CSMD2: variants seen among roughly 807,000 people sequenced by gnomAD.
CSMD2 encodes the protein CUB and Sushi multiple domains 2.
CSMD2 carries 130 observed loss-of-function variants against 398.5 expected under a neutral mutation model. The observed-to-expected ratio is 0.33, with a 90% CI of 0.28 to 0.38. The LOEUF (loss-of-function observed/expected upper bound fraction) is 0.38, where lower values mean the gene tolerates loss of function less well. CSMD2 is among the 10% of genes least tolerant of loss of function. The pLI is 1.00. For missense variants in CSMD2, 3,829 were observed against 4,764.9 expected (o/e 0.80, Z 5.78); for synonymous variants, 1,828 against 1,908.5 (o/e 0.96, Z 1.10).
At chr1:34,008,162 C>T (rs980660667) in intron 3 of CSMD2, among the ~76,000 whole-genome samples, 8 of 152,192 alleles carry the variant, frequency 5.3e-5, no homozygotes, top group Admixed American at 1.3e-4. Flanking sequence ...AAAATAAAAC[C>T]ACAGACGTGC....
intron 6 of CSMD2, chr1:33,838,656 C>T (rs1660553674): frequency 1.3e-5 from 2 of 152,222 alleles, no homozygotes; most frequent in African/African-American, 4.8e-5. Flanking sequence ...AGGTACAGAC[C>T]TTCTAGCAGG....
chr1:33,762,395 C>A (rs1487456446), intron 13 of CSMD2, among the ~76,000 whole-genome samples: 1 of 152,190 alleles, frequency 6.6e-6, no homozygotes, highest in African/African-American at 2.4e-5. Flanking sequence ...AAGGTGAAAG[C>A]TGAAATGAGA....
intron 4 of CSMD2, among the ~76,000 whole-genome samples, chr1:33,927,778 C>T (rs1366647822): frequency 6.6e-6 from 1 of 152,196 alleles, no homozygotes; most frequent in Admixed American, 6.5e-5. Context: ...CTGCTCCCTT[C>T]TCTTCTGCCT....
chr1:33,982,847 C>G (rs145093159), intron 3 of CSMD2, among the ~76,000 whole-genome samples: 1 of 152,138 alleles, frequency 6.6e-6, no homozygotes, highest in Admixed American at 6.5e-5. Flanking sequence ...GAACCCAGCT[C>G]GTGAAGGCTT....
At chr1:33,768,769 C>T (rs1039507040) in intron 13 of CSMD2, among the ~76,000 whole-genome samples, 1 of 152,020 alleles carries the variant, frequency 6.6e-6, no homozygotes, top group Non-Finnish European at 1.5e-5. Context: ...CCCTGAGCAC[C>T]CAAGGATCCA....
chr1:34,002,033 GT>G (rs968253911), intron 3 of CSMD2, among the ~76,000 whole-genome samples: 7 of 150,796 alleles, frequency 4.6e-5, no homozygotes, highest in Non-Finnish European at 7.4e-5. Context: ...TTCAACCTTT[GT>G]TTTTTTTTCC....
intron 3 of CSMD2, among the ~76,000 whole-genome samples, chr1:33,960,480 G>A: frequency 6.6e-6 from 1 of 152,234 alleles, no homozygotes; most frequent in Non-Finnish European, 1.5e-5. Context: ...ATAACTCTGT[G>A]GAGCAGTCTG....
At chr1:34,062,326 C>G (rs930377477) in intron 2 of CSMD2, among the ~76,000 whole-genome samples, 1 of 152,186 alleles carries the variant, frequency 6.6e-6, no homozygotes, top group Non-Finnish European at 1.5e-5. Context: ...ATTTTTATTA[C>G]CAAGTAACAC....
intron 56 of CSMD2, among the ~76,000 whole-genome samples, 196 bp from the exon 57 acceptor site, chr1:33,546,415 A>T (rs1045316326): frequency 2.0e-5 from 3 of 152,184 alleles, no homozygotes; most frequent in Non-Finnish European, 4.4e-5. Flanking sequence ...GGCCATGGGT[A>T]AGTCCCTGGG....
intron 3 of CSMD2, among the ~76,000 whole-genome samples, chr1:33,965,959 G>C (rs1645541962): frequency 6.6e-6 from 1 of 152,202 alleles, no homozygotes; most frequent in African/African-American, 2.4e-5. Flanking sequence ...GCAGAGACGG[G>C]AGAAACCAGC....
At chr1:33,723,387 C>G (rs1056792625) in intron 19 of CSMD2, among the ~76,000 whole-genome samples, 7 of 152,346 alleles carry the variant, frequency 4.6e-5, no homozygotes, top group Admixed American at 2.0e-4. Context: ...CTGCAAGAAC[C>G]ATGACTCTGG....
chr1:33,975,378 G>A (rs1026836485), intron 3 of CSMD2, among the ~76,000 whole-genome samples: 4 of 152,034 alleles, frequency 2.6e-5, no homozygotes, highest in Non-Finnish European at 5.9e-5. Flanking sequence ...TATATCCCCA[G>A]TGCCTGGAAC....
chr1:34,136,864 A>G (rs1638801778), intron 1 of CSMD2, among the ~76,000 whole-genome samples: 2 of 152,034 alleles, frequency 1.3e-5, no homozygotes, highest in Non-Finnish European at 1.5e-5. Context: ...CATTTGTTTC[A>G]TTCAGCCATC....
rs1387659257 is a variant in CSMD2 at position 33,635,462 on chromosome 1, G to A, written c.4970-132C>T. 1 of 591,326 alleles carries A rather than the reference G, an allele frequency of 1.7e-6. No homozygotes were observed. Among genetic ancestry groups the A allele is most frequent in the Non-Finnish European group, 3.0e-6 (1 of 331,634 alleles). The allele number at this position is 591,326 out of a possible 1,614,324, so 36.6% of individuals were successfully genotyped here. ...TGAGGTGGGCAGGCCCTAGCTTGGA[G>A]AAGGCAAGTCCTGCGGACCCTGCCC... On this transcript the variant is annotated intron_variant, in intron 30 of 70. Transcript: ENST00000373381. The surrounding 1 kb of genome is among the most constrained non-coding windows in gnomAD (Gnocchi z 5.0).
chr1:33,546,701 T>G, intron 56 of CSMD2, among the ~76,000 whole-genome samples: 1 of 151,672 alleles, frequency 6.6e-6, no homozygotes, highest in East Asian at 1.9e-4. Flanking sequence ...CTTTGTCCTC[T>G]AATCTTAACA....
Position 34,139,362 on chromosome 1 carries a change from GT to G in CSMD2, c.187+25548del, listed in dbSNP as rs546541902. Among the ~76,000 whole-genome samples the G allele has an allele frequency of 3.9e-5, 6 of 152,316 alleles. No individual in the cohort carries two copies. The South Asian group carries it at 1.2e-3, about 32-fold the overall frequency. ...GTGCCACCATGGGACTCTGCAGAGA[GT>G]CCCCACTAGCAAGAAGGCCCTCACC... On this transcript the variant is annotated intron_variant, in intron 1 of 70. Transcript: ENST00000373381.
intron 5 of CSMD2, among the ~76,000 whole-genome samples, chr1:33,909,712 A>G (rs928516295): frequency 1.3e-5 from 2 of 152,194 alleles, no homozygotes; most frequent in African/African-American, 4.8e-5. Context: ...CATTGTGAAG[A>G]TGACCGCTCA....
chr1:33,812,605 C>T (rs1656985427), intron 9 of CSMD2, among the ~76,000 whole-genome samples: 1 of 152,132 alleles, frequency 6.6e-6, no homozygotes, highest in Non-Finnish European at 1.5e-5. Context: ...TGAACTTAGC[C>T]TTCTGGATCT....
intron 25 of CSMD2, among the ~76,000 whole-genome samples, chr1:33,680,686 C>G (rs1201678439): frequency 1.3e-5 from 2 of 152,118 alleles, no homozygotes; most frequent in South Asian, 2.1e-4. Flanking sequence ...CCTCTCCCCC[C>G]ATTCTCTTTT....
Sources: gnomAD v4.1 joint callset for allele counts (sites outside exome capture counted in the v4.1 genomes callset) on GRCh38, gnomAD v4.1.1 for gene constraint, Gnocchi (gnomAD v3.1) non-coding constraint, MANE v1.5 for transcripts, NCBI Gene and HGNC (gene_info 2026-07-23, HGNC 2026-07-21) for gene names.